LCMT1: variants seen among roughly 807,000 people sequenced by gnomAD.
The protein encoded by LCMT1 is [Phosphatase 2A protein]-leucine-carboxy methyltransferase 1.
In LCMT1, 32 loss-of-function variants were observed where a neutral mutation model predicts 47.7. That is an observed-to-expected ratio of 0.67 (90% confidence interval 0.51 to 0.90). The LOEUF (loss-of-function observed/expected upper bound fraction) is 0.90, where lower values mean the gene tolerates loss of function less well. LCMT1 is among the 40% of genes least tolerant of loss of function. LCMT1 has a pLI of 0.00. For missense variants in LCMT1, 375 were observed against 415.2 expected (o/e 0.90, Z 0.84); for synonymous variants, 152 against 149.7 (o/e 1.02, Z -0.11).
At chr16:25,157,489 C>T (rs1961296120) in intron 5 of LCMT1, among the ~76,000 whole-genome samples, 1 of 151,986 alleles carries the variant, frequency 6.6e-6, no homozygotes, top group South Asian at 2.1e-4. Context: ...TGTAATGAGC[C>T]ATGATCGTGC....
At position 25,132,967 on chromosome 16, in the gene LCMT1, C is replaced by T. The variant is rs183412837; in HGVS notation, c.327+444C>T. Reference sequence around the variant, plus strand: ...CGAACTGCTGGGCTTAAGCAATTCTCCCACATCAGTCTCCCAAGTAGCTGG... The same window carrying T: ...CGAACTGCTGGGCTTAAGCAATTCTTCCACATCAGTCTCCCAAGTAGCTGG... On this transcript the variant is annotated intron_variant, in intron 3 of 10. Transcript: ENST00000399069. Among the ~76,000 whole-genome samples, 91 of 151,750 alleles carry T rather than the reference C, an allele frequency of 6.0e-4. 1 individual carries two copies. Among genetic ancestry groups the T allele is most frequent in the Non-Finnish European group, 1.0e-3 (70 of 67,978 alleles).
At chr16:25,162,592 A>C (rs1961463786) in intron 6 of LCMT1, among the ~76,000 whole-genome samples, 1 of 150,462 alleles carries the variant, frequency 6.6e-6, no homozygotes, top group Non-Finnish European at 1.5e-5. Flanking sequence ...CCATCTCAAA[A>C]AAAAAAAAAA....
At chr16:25,157,997 A>G (rs1961310966) in intron 5 of LCMT1, among the ~76,000 whole-genome samples, 1 of 152,254 alleles carries the variant, frequency 6.6e-6, no homozygotes, top group Non-Finnish European at 1.5e-5. Context: ...AAAAGTACAC[A>G]TAAAATGAAA....
At chr16:25,121,461 T>C (rs912243831) in intron 1 of LCMT1, among the ~76,000 whole-genome samples, 12 of 152,184 alleles carry the variant, frequency 7.9e-5, no homozygotes, top group Non-Finnish European at 1.6e-4. Context: ...TCTTAAAAGG[T>C]TAATTTTTTA....
chr16:25,160,782 C>A (rs1249475125), intron 5 of LCMT1: 6 of 548,358 alleles, frequency 1.1e-5, no homozygotes, highest in Admixed American at 1.9e-5. Context: ...AGTTTTCAAA[C>A]CACATATTGG....
At chr16:25,165,129 G>A (rs1961549876) in intron 7 of LCMT1, among the ~76,000 whole-genome samples, 1 of 152,082 alleles carries the variant, frequency 6.6e-6, no homozygotes, top group South Asian at 2.1e-4. Context: ...GAGCACCCAC[G>A]TCCCATCTCA....
At position 25,132,466 on chromosome 16, in the gene LCMT1, T is replaced by C; in HGVS notation, c.270T>C (p.Cys90=). The C allele has an allele frequency of 1.2e-6, 2 of 1,613,932 alleles. 1 individual carries two copies. The highest frequency in any genetic ancestry group is 2.2e-5 in the South Asian group (2 of 91,082). Residue 90 remains cysteine (C), a synonymous_variant, in exon 3 of 11, where the codon TGT becomes TGC. Transcript: ENST00000399069. The part of the protein sequence containing the change: ...LIKAFLRKTE[C]HCQIVNLGAG... ...AGGCATTTCTACGGAAGACAGAATG[T>C]CATTGTCAAATTGTCAACCTTGGGG...
intron 9 of LCMT1, among the ~76,000 whole-genome samples, chr16:25,171,160 T>TG (rs35311571): frequency 0.23 from 34,679 of 151,826 alleles, 4,080 homozygotes; most frequent in East Asian, 0.34. Context: ...CACTTAAACC[T>TG]GGGGCGGGGG....
intron 7 of LCMT1, among the ~76,000 whole-genome samples, chr16:25,168,015 C>G (rs1961637120): frequency 6.6e-6 from 1 of 151,594 alleles, no homozygotes; most frequent in African/African-American, 2.4e-5. Flanking sequence ...CCTCGGCCTC[C>G]CAAAGTGCTG....
chr16:25,161,273 G>A (rs34477552), intron 6 of LCMT1, 69 bp downstream of exon 6: 388 of 749,794 alleles, frequency 5.2e-4, no homozygotes, highest in Non-Finnish European at 7.2e-4. Context: ...AAGGCCAGTC[G>A]GAAGTACAGC....
chr16:25,139,992 G>A (rs2141663292), intron 3 of LCMT1, 179 bp from the exon 4 acceptor site: 1 of 587,280 alleles, frequency 1.7e-6, no homozygotes, highest in South Asian at 2.1e-5. Context: ...ACCTTCATCT[G>A]TGCTTGCTTC....
chr16:25,173,361 G>A (rs1961830889), intron 9 of LCMT1, among the ~76,000 whole-genome samples: 1 of 152,194 alleles, frequency 6.6e-6, no homozygotes, highest in South Asian at 2.1e-4. Flanking sequence ...CTAGAACTTG[G>A]TATCAGATCT....
Position 25,141,085 on chromosome 16 carries a change from G to T in LCMT1, c.404+838G>T, listed in dbSNP as rs1346931667. ...GTCCTAAAGACCTGTAGGGACTGGGGTGCTCCTGGGATGTTATGGGTTGGA... is the reference window on the plus strand; with the variant it reads ...GTCCTAAAGACCTGTAGGGACTGGGTTGCTCCTGGGATGTTATGGGTTGGA... On this transcript the variant is annotated intron_variant, in intron 4 of 10. Transcript: ENST00000399069. 3.9e-5 allele frequency: 6 copies of T among 152,278 alleles called. No homozygotes were observed. The East Asian group carries it at 1.2e-3, about 29-fold the overall frequency. 9.4% of individuals were successfully genotyped at this position (152,278 alleles called of 1,614,324 possible). A position where few individuals can be genotyped will look rare whatever the true frequency, so the allele number is the denominator to read the frequency against.
rs553598610 is a variant in LCMT1 at position 25,150,623 on chromosome 16, C to T, written c.405-931C>T. 2.0e-5 allele frequency among the ~76,000 whole-genome samples: 3 copies of T among 152,108 alleles called. No individual in the cohort carries two copies. The South Asian group carries it at 6.2e-4, about 32-fold the overall frequency. ...CCTCTCAAAGTGCTGGGATTACAGGCGTGAGCCACTGTGCCTGGCCCGCAT... is the reference window on the plus strand; with the variant it reads ...CCTCTCAAAGTGCTGGGATTACAGGTGTGAGCCACTGTGCCTGGCCCGCAT... On this transcript the variant is annotated intron_variant, in intron 4 of 10. Transcript: ENST00000399069.
At chr16:25,161,232 T>C in intron 6 of LCMT1, 28 bp downstream of exon 6, 2 of 1,276,046 alleles carry the variant, frequency 1.6e-6, no homozygotes, top group Non-Finnish European at 2.2e-6. Flanking sequence ...AAACCTCTTC[T>C]GCATTTGTGA....
chr16:25,123,807 C>T lies in LCMT1; in HGVS notation c.114-4668C>T, dbSNP rs1357881011. The stretch of plus-strand genomic sequence containing the variant: ...TATTTTTAGTAGAGACGGAGTTTCA[C>T]CATGTTGGCCAGGCTGGTCTCGAAC... On this transcript the variant is annotated intron_variant, in intron 1 of 10. Coordinates refer to ENST00000399069, the MANE Select transcript of LCMT1 (RefSeq NM_016309.3). Among the ~76,000 whole-genome samples, 3 of 151,812 alleles carry T rather than the reference C, an allele frequency of 2.0e-5. No individual in the cohort carries two copies. The East Asian group carries it at 5.8e-4, about 29-fold the overall frequency.
At chr16:25,149,586 T>G (rs1213009567) in intron 4 of LCMT1, among the ~76,000 whole-genome samples, 5 of 152,220 alleles carry the variant, frequency 3.3e-5, no homozygotes, top group African/African-American at 1.2e-4. Context: ...TTATGTCTTT[T>G]GTTTACTACT....
intron 5 of LCMT1, among the ~76,000 whole-genome samples, chr16:25,152,990 G>GGAC (rs1184985394): frequency 6.6e-6 from 1 of 152,116 alleles, no homozygotes; most frequent in Non-Finnish European, 1.5e-5. Context: ...CGTGCAGAGA[G>GGAC]GACAGCCTTC....
At chr16:25,140,318 C>G (rs377047556) in intron 4 of LCMT1, 71 bp downstream of exon 4, 1 of 1,176,940 alleles carries the variant, frequency 8.5e-7, no homozygotes. Context: ...GATGGCAGAT[C>G]TGAATGCCAG....
Sources: allele counts gnomAD v4.1 joint callset (sites outside exome capture counted in the v4.1 genomes callset), GRCh38; gene constraint gnomAD v4.1.1; transcripts MANE v1.5; gene names NCBI Gene and HGNC (gene_info 2026-07-23, HGNC 2026-07-21).